The following ZNF287 variants were observed in gnomAD, a reference collection of about 807,000 sequenced individuals.
The protein encoded by ZNF287 is zinc finger protein 287, also known as zinc finger protein with KRAB and SCAN domains 13.
Under a neutral mutation model 73.7 loss-of-function variants are expected in ZNF287, and 31 were observed. The ratio of observed to expected loss-of-function variants is 0.42; its 90% CI spans 0.32 to 0.57. ZNF287 has a LOEUF of 0.57. Among genes scored for constraint, ZNF287 ranks in the 20% least tolerant of loss-of-function variants. ZNF287 has a pLI of 0.13. For synonymous variants in ZNF287, 301 were observed against 307.2 expected (o/e 0.98, Z 0.21); for missense variants, 641 against 909.3 (o/e 0.70, Z 3.79).
In ZNF287 at chr17:16,549,599, C is replaced by G. The variant is rs1906511934; in HGVS notation, c.*2257G>C. On this transcript the variant is annotated 3_prime_UTR_variant, in exon 6 of 6. Coordinates refer to ENST00000395825, the MANE Select transcript of ZNF287 (RefSeq NM_020653.4). ...TAACTAATGTAAGGGAAATGGAAATCAAGTTTTTTAAAGAAAACACTCAAT... is the reference window on the plus strand; with the variant it reads ...TAACTAATGTAAGGGAAATGGAAATGAAGTTTTTTAAAGAAAACACTCAAT... 6.6e-6 allele frequency among the ~76,000 whole-genome samples: 1 copy of G among 152,154 alleles called. No homozygotes were observed. The highest frequency in any genetic ancestry group is 2.4e-5 in the African/African-American group (1 of 41,444).
chr17:16,552,021 A>G lies in ZNF287; in HGVS notation c.2121T>C (p.Asn707=), dbSNP rs765546175. Residue 707 remains asparagine (N), a synonymous_variant, in exon 6 of 6, where the codon AAT becomes AAC. Transcript: ENST00000395825. The surrounding 1 kb of genome is among the most constrained non-coding windows in gnomAD (Gnocchi z 6.5). ...TCTGGCTAAAATCCTTATCACATTC[A>G]TTACATTTATAGGGTCTCTCTCCAG... is the stretch of plus-strand genomic sequence containing the variant. ...THTGERPYKC[N]ECDKDFSQRT... 6 of 1,614,096 alleles carry G rather than the reference A, an allele frequency of 3.7e-6. No homozygotes were observed. Among genetic ancestry groups the G allele is most frequent in the Non-Finnish European group, 5.1e-6 (6 of 1,179,972 alleles).
intron 3 of ZNF287, among the ~76,000 whole-genome samples, chr17:16,564,868 G>A (rs573059695): frequency 2.0e-5 from 3 of 151,842 alleles, no homozygotes; most frequent in East Asian, 2.0e-4. Flanking sequence ...ACAGGTGCAC[G>A]CCACCATGCC....
At chr17:16,561,825 C>T (rs535374334) in intron 5 of ZNF287, among the ~76,000 whole-genome samples, 1 of 152,072 alleles carries the variant, frequency 6.6e-6, no homozygotes, top group African/African-American at 2.4e-5. Context: ...GGATTCTGTA[C>T]TGGGGAGAAA....
rs894968674 is a variant in ZNF287, at chr17:16,568,956, C to T, written c.-203G>A. On this transcript the variant is annotated 5_prime_UTR_variant, in exon 1 of 6. Transcript: ENST00000395825. ...GCTGCGCCCGGACATCAATACCTGT[C>T]GCTGGGACCCGGCCGACGGGCAGCC... The T allele has an allele frequency of 6.6e-6, 1 of 152,346 alleles. No homozygotes were observed. The highest frequency in any genetic ancestry group is 1.5e-5 in the Non-Finnish European group (1 of 68,128). The allele number at this position is 152,346 out of a possible 1,614,324, so 9.4% of individuals were successfully genotyped here.
At chr17:16,565,119 C>T (rs1403667072) in intron 3 of ZNF287, among the ~76,000 whole-genome samples, 1 of 151,766 alleles carries the variant, frequency 6.6e-6, no homozygotes, top group Non-Finnish European at 1.5e-5. Flanking sequence ...CTTTGGGAAG[C>T]CAAGGCAGGA....
intron 5 of ZNF287, among the ~76,000 whole-genome samples, chr17:16,555,927 C>G (rs934759438): frequency 2.0e-5 from 3 of 152,016 alleles, no homozygotes; most frequent in Non-Finnish European, 4.4e-5. Context: ...AATACCTTTA[C>G]AAATATATCC....
intron 5 of ZNF287, among the ~76,000 whole-genome samples, chr17:16,561,594 C>T (rs1907455274): frequency 6.6e-6 from 1 of 152,146 alleles, no homozygotes; most frequent in African/African-American, 2.4e-5. Flanking sequence ...ATACACATCA[C>T]CTTTCAAATA....
chr17:16,560,089 A>G (rs1294878719), intron 5 of ZNF287, among the ~76,000 whole-genome samples: 1 of 150,944 alleles, frequency 6.6e-6, no homozygotes, highest in Non-Finnish European at 1.5e-5. Flanking sequence ...AGTAGCTAGG[A>G]CTACAGGCAC....
Position 16,552,381 on chromosome 17 carries a change from AGT to A in ZNF287, c.1759_1760del (p.Thr587TrpfsTer8). The A allele has an allele frequency of 6.2e-7, 1 of 1,614,032 alleles. No individual in the cohort carries two copies. Among genetic ancestry groups the A allele is most frequent in the Non-Finnish European group, 8.5e-7 (1 of 1,179,972 alleles). ...STLIQHQTTHTGEKSYICNIC... is the reference protein window; with the variant it reads ...STLIQHQTTHXGEKSYICNIC... ...TATTACATATATAGGATTTCTCTCC[AGT>A]GTGAGTGGTTTGATGTTGAATAAGG... On this transcript the variant is annotated frameshift_variant, in exon 6 of 6. Coordinates refer to ENST00000395825, the MANE Select transcript of ZNF287 (RefSeq NM_020653.4). LOFTEE classifies it high-confidence loss of function. This position sits in a 1 kb window ranked among gnomAD's most constrained non-coding sequence, Gnocchi z 6.5.
Position 16,553,024 on chromosome 17 carries a change from C to T in ZNF287, c.1118G>A (p.Cys373Tyr), listed in dbSNP as rs762999081. 3 of 1,614,022 alleles carry T rather than the reference C, an allele frequency of 1.9e-6. No homozygotes were observed. In the African/African-American group the frequency reaches 4.0e-5, roughly 22 times the overall value. The change falls in exon 6 of 6, where the codon TGT becomes TAT. Residue 373 changes from cysteine (C) to tyrosine (Y), a missense_variant. This residue lies in a region of ZNF287 where 357 missense variants were observed against 442.4 expected (regional missense o/e 0.81). Coordinates refer to ENST00000395825, the MANE Select transcript of ZNF287 (RefSeq NM_020653.4). Reference protein sequence around the residue: ...PGEKPYKCNVCGKKFRKYPSL... With the variant: ...PGEKPYKCNVYGKKFRKYPSL... ...TGGGTATTTCCTAAATTTTTTCCCA[C>T]ACACATTACACTTGTAAGGCTTCTC...
chr17:16,562,828 T>A lies in ZNF287; in HGVS notation c.715+318A>T, dbSNP rs74788988. 2.0e-5 allele frequency among the ~76,000 whole-genome samples: 3 copies of A among 152,280 alleles called. No individual in the cohort carries two copies. In the East Asian group the frequency reaches 5.8e-4, roughly 29 times the overall value. ...TTAACATTTAAATTTTTAGGGGGCATTCATACATGTTTAAATCTAGAGGAA... is the reference window on the plus strand; with the variant it reads ...TTAACATTTAAATTTTTAGGGGGCAATCATACATGTTTAAATCTAGAGGAA... On this transcript the variant is annotated intron_variant, in intron 5 of 5. Transcript: ENST00000395825.
Position 16,565,277 on chromosome 17 carries a change from C to T in ZNF287, c.501+1248G>A, listed in dbSNP as rs568443619. ...GGAGAACTGATGACTTTATAATATT[C>T]AAGGTTTCTTTCATGTTCTACAAAA... On this transcript the variant is annotated intron_variant, in intron 3 of 5. Coordinates refer to ENST00000395825, the MANE Select transcript of ZNF287 (RefSeq NM_020653.4). Among the ~76,000 whole-genome samples, 571 of 151,656 alleles carry T rather than the reference C, an allele frequency of 3.8e-3. 2 individuals are homozygous for T. Among genetic ancestry groups the T allele is most frequent in the Middle Eastern group, 0.024 (7 of 294 alleles).
In ZNF287 at chr17:16,551,225, C is replaced by T. The variant is rs11652869; in HGVS notation, c.*631G>A. ...GGCTTCAAAGCTGGGAATAAAAGGC[C>T]TGAAAGCAGCTTACTCTTTTCTGTA... On this transcript the variant is annotated 3_prime_UTR_variant, in exon 6 of 6. Transcript: ENST00000395825. 6.6e-6 allele frequency among the ~76,000 whole-genome samples: 1 copy of T among 152,054 alleles called. No individual in the cohort carries two copies. The highest frequency in any genetic ancestry group is 2.4e-5 in the African/African-American group (1 of 41,414).
Position 16,567,587 on chromosome 17 carries a change from G to A in ZNF287, c.145C>T (p.Arg49Ter), listed in dbSNP as rs759184030. 1.2e-6 allele frequency: 2 copies of A among 1,614,120 alleles called. No homozygotes were observed. The highest frequency in any genetic ancestry group is 1.7e-6 in the Non-Finnish European group (2 of 1,180,030). The change falls in exon 2 of 6, where the codon CGA (arginine) becomes TGA (stop). Residue 49 changes from arginine to a stop codon, truncating the protein, a stop_gained. Transcript: ENST00000395825. LOFTEE classifies it high-confidence loss of function. ...TATGGAAAATTCCTAAAATTCTGTC[G>A]ACAGGTCTCAGTGTCACGCAAGAAT... The part of the protein sequence containing the change: ...SRFLRDTETC[R>*]QNFRNFPYPD...
At chr17:16,560,308 GTGTATATA>G (rs1396734070) in intron 5 of ZNF287, among the ~76,000 whole-genome samples, 2,204 of 137,360 alleles carry the variant, frequency 0.016, 53 homozygotes, top group African/African-American at 0.053. Flanking sequence ...GTCAACAGTG[GTGTATATA>G]TATATATATA....
At chr17:16,568,860 C>T (rs1365611543) in intron 1 of ZNF287, 92 bp downstream of exon 1, 4 of 152,374 alleles carry the variant, frequency 2.6e-5, no homozygotes, top group Admixed American at 6.5e-5. Context: ...TTTGCCCTCC[C>T]GCAAGCCACG....
rs913595492 is a variant in ZNF287 at position 16,553,441 on chromosome 17, A to G, written c.716-15T>C. The stretch of plus-strand genomic sequence containing the variant: ...AGTTTCCCATTCTGAAATAAAAAAT[A>G]TATTAAAAAATCTTCATTTATTTGG... On this transcript the variant is annotated splice_polypyrimidine_tract_variant and intron_variant, in intron 5 of 5. Coordinates refer to ENST00000395825, the MANE Select transcript of ZNF287 (RefSeq NM_020653.4). The G allele has an allele frequency of 2.7e-6, 4 of 1,457,552 alleles. No homozygotes were observed. In the African/African-American group the frequency reaches 4.4e-5, roughly 16 times the overall value. The allele number at this position is 1,457,552 out of a possible 1,614,324, so 90.3% of individuals were successfully genotyped here. A position where few individuals can be genotyped will look rare whatever the true frequency, so the allele number is the denominator to read the frequency against.
chr17:16,553,735 A>G (rs1387473111), intron 5 of ZNF287, among the ~76,000 whole-genome samples: 2 of 152,214 alleles, frequency 1.3e-5, no homozygotes, highest in Non-Finnish European at 2.9e-5. Context: ...GGATGGCCTC[A>G]TGGATTAATT....
In ZNF287 at chr17:16,553,625, C is replaced by T. The variant is rs1487224374; in HGVS notation, c.716-199G>A. On this transcript the variant is annotated intron_variant, in intron 5 of 5. Transcript: ENST00000395825. ...CTAAGTTGTTGAAAACAGACAGGTT[C>T]TTCATATTCAACATGGACACAGAGG... Among the ~76,000 whole-genome samples, 10 of 152,092 alleles carry T rather than the reference C, an allele frequency of 6.6e-5. No individual in the cohort carries two copies. The South Asian group carries it at 1.0e-3, about 16-fold the overall frequency.
Sources: allele counts gnomAD v4.1 joint callset (sites outside exome capture counted in the v4.1 genomes callset), GRCh38; gene constraint gnomAD v4.1.1; regional missense constraint gnomAD v4.1.1; non-coding constraint Gnocchi (gnomAD v3.1); transcripts MANE v1.5; gene names NCBI Gene and HGNC (gene_info 2026-07-23, HGNC 2026-07-21).